ARRB1: variants seen among roughly 807,000 people sequenced by gnomAD.
The protein encoded by ARRB1 is beta-arrestin-1.
In ARRB1, 21 loss-of-function variants were observed where a neutral mutation model predicts 56.8. That is an observed-to-expected ratio of 0.37 (90% CI 0.26 to 0.53). ARRB1 has a LOEUF of 0.53. Among genes scored for constraint, ARRB1 ranks in the 20% least tolerant of loss-of-function variants. The probability of loss-of-function intolerance (pLI) is 0.88; values close to 1 mark genes in which losing one functional copy is unlikely to be tolerated. For missense variants in ARRB1, 424 were observed against 553.7 expected, an observed-to-expected ratio of 0.77 and a Z score of 2.35; for synonymous variants, 210 against 218.6, an observed-to-expected ratio of 0.96 and a Z score of 0.35.
rs563938157 is a variant in ARRB1, at chr11:75,325,007, G to A, written c.20+26581C>T. Among the ~76,000 whole-genome samples, 5 of 152,246 alleles carry A rather than the reference G, an allele frequency of 3.3e-5. No individual in the cohort carries two copies. The South Asian group carries it at 1.0e-3, about 32-fold the overall frequency. ...GAGACTCAGGCAGGGCTGGGCGGGAGGGCCTTGGGGTAGAGACCTGAAGAA... is the reference window on the plus strand; with the variant it reads ...GAGACTCAGGCAGGGCTGGGCGGGAAGGCCTTGGGGTAGAGACCTGAAGAA... On this transcript the variant is annotated intron_variant, in intron 1 of 15. Transcript: ENST00000420843.
intron 1 of ARRB1, among the ~76,000 whole-genome samples, chr11:75,301,997 C>T (rs947819516): frequency 1.3e-5 from 2 of 152,154 alleles, no homozygotes; most frequent in African/African-American, 4.8e-5. Flanking sequence ...AATCAAAGCC[C>T]GAGTGAGAGA....
intron 1 of ARRB1, among the ~76,000 whole-genome samples, chr11:75,327,592 TG>T (rs890777107): frequency 1.1e-5 from 1 of 91,034 alleles, no homozygotes; most frequent in African/African-American, 5.8e-5. Flanking sequence ...TTTTGTTTTT[TG>T]TTTTTGTTTT....
chr11:75,326,200 G>C (rs2140501253), intron 1 of ARRB1, among the ~76,000 whole-genome samples: 1 of 152,314 alleles, frequency 6.6e-6, no homozygotes, highest in South Asian at 2.1e-4. Flanking sequence ...GCTGGGAGGA[G>C]GAGGGTGCTG....
chr11:75,268,510 C>CAAAAAAAA (rs61409833), intron 14 of ARRB1, among the ~76,000 whole-genome samples: 103 of 61,308 alleles, frequency 1.7e-3, no homozygotes, highest in Non-Finnish European at 2.3e-3. Context: ...GTCTCAAAAC[C>CAAAAAAAA]AAAAAAAAAA....
chr11:75,276,804 C>T, intron 10 of ARRB1, 35 bp downstream of exon 10: 2 of 1,608,840 alleles, frequency 1.2e-6, no homozygotes, highest in Middle Eastern at 1.7e-4. Flanking sequence ...CCCACCCAAT[C>T]CCATACGCCC....
At position 75,263,170 on chromosome 11, in the gene ARRB1, C is replaced by T. The variant is rs571591993; in HGVS notation, c.*2993G>A. Among the ~76,000 whole-genome samples, 13 of 152,330 alleles carry T rather than the reference C, an allele frequency of 8.5e-5. No homozygotes were observed. Among genetic ancestry groups the T allele is most frequent in the African/African-American group, 2.9e-4 (12 of 41,578 alleles). On this transcript the variant is annotated 3_prime_UTR_variant, in exon 16 of 16. Transcript: ENST00000420843. Reference sequence around the variant, plus strand: ...TGCCTGGGGCCTAGTGAGGCTCCCCCACCCCTAGTTTCACTTCAAGGTATC... The same window carrying T: ...TGCCTGGGGCCTAGTGAGGCTCCCCTACCCCTAGTTTCACTTCAAGGTATC...
intron 1 of ARRB1, among the ~76,000 whole-genome samples, chr11:75,351,320 G>A (rs911798330): frequency 6.6e-6 from 1 of 152,194 alleles, no homozygotes; most frequent in Non-Finnish European, 1.5e-5. Context: ...GCGTCTCTGC[G>A]GCTGCCGGCC....
chr11:75,274,058 G>T lies in ARRB1; in HGVS notation c.914+16C>A. On this transcript the variant is annotated intron_variant, in intron 11 of 15. Coordinates refer to ENST00000420843, the MANE Select transcript of ARRB1 (RefSeq NM_004041.5). ...AGATGCACTAGGAGCCCAGGGCTAGGAGGGCAGGTCCTCACAGGGTGCTAG... is the reference window on the plus strand; with the variant it reads ...AGATGCACTAGGAGCCCAGGGCTAGTAGGGCAGGTCCTCACAGGGTGCTAG... The T allele has an allele frequency of 1.2e-6, 2 of 1,614,144 alleles. No homozygotes were observed. The highest frequency in any genetic ancestry group is 8.5e-7 in the Non-Finnish European group (1 of 1,180,000).
rs116633202 is a variant in ARRB1, at chr11:75,342,337, C to T, written c.20+9251G>A. 6.9e-3 allele frequency among the ~76,000 whole-genome samples: 1,049 copies of T among 152,284 alleles called. 8 individuals are homozygous for T. The highest frequency in any genetic ancestry group is 0.024 in the African/African-American group (983 of 41,550). On this transcript the variant is annotated intron_variant, in intron 1 of 15. Transcript: ENST00000420843. ...CCTCACCACCTCACCCCCCTTCCCT[C>T]TGCTCTGGGCCAAGGAGCAATGCTT...
In ARRB1 at chr11:75,265,069, T is replaced by G. The variant is rs1478148864; in HGVS notation, c.*1094A>C. 6.6e-6 allele frequency: 1 copy of G among 152,214 alleles called. No homozygotes were observed. Among genetic ancestry groups the G allele is most frequent in the African/African-American group, 2.4e-5 (1 of 41,436 alleles). 9.4% of individuals were successfully genotyped at this position (152,214 alleles called of 1,614,324 possible). A position where few individuals can be genotyped will look rare whatever the true frequency, so the allele number is the denominator to read the frequency against. On this transcript the variant is annotated 3_prime_UTR_variant, in exon 16 of 16. Transcript: ENST00000420843. Reference sequence around the variant, plus strand: ...GATATCTCAGTGGATGCTGCCACCTTCTGAGATAGGACCCCCTTTGACTGT... The same window carrying G: ...GATATCTCAGTGGATGCTGCCACCTGCTGAGATAGGACCCCCTTTGACTGT...
At chr11:75,280,598 C>G (rs1438584137) in intron 7 of ARRB1, among the ~76,000 whole-genome samples, 2 of 152,206 alleles carry the variant, frequency 1.3e-5, no homozygotes, top group Non-Finnish European at 2.9e-5. Context: ...GTGGGCCGAC[C>G]TCCCTGTCAC....
At chr11:75,283,769 A>ACAGGCTTGG (rs1468445270) in intron 4 of ARRB1, among the ~76,000 whole-genome samples, 1 of 151,910 alleles carries the variant, frequency 6.6e-6, no homozygotes, top group Non-Finnish European at 1.5e-5. Flanking sequence ...AAACGGTCTG[A>ACAGGCTTGG]CAGGCTTGGC....
chr11:75,343,526 T>C (rs1342705989), intron 1 of ARRB1, among the ~76,000 whole-genome samples: 1 of 152,108 alleles, frequency 6.6e-6, no homozygotes, highest in Non-Finnish European at 1.5e-5. Context: ...TTTCTTTGCT[T>C]TATCTTACTT....
At position 75,261,001 on chromosome 11, in the gene ARRB1, G is replaced by A. The variant is rs1349868146; in HGVS notation, c.*5162C>T. 1 of 152,420 alleles carries A rather than the reference G, an allele frequency of 6.6e-6. No homozygotes were observed. The highest frequency in any genetic ancestry group is 1.5e-5 in the Non-Finnish European group (1 of 68,234). 9.4% of individuals were successfully genotyped at this position (152,420 alleles called of 1,614,324 possible). ...GCCAGGAAAGTGGGGTGCCAGATAG[G>A]GGTGCAGACACAAGTCCTCAGTGGG... On this transcript the variant is annotated 3_prime_UTR_variant, in exon 16 of 16. Transcript: ENST00000420843.
At chr11:75,296,185 C>CAAA (rs11428462) in intron 1 of ARRB1, among the ~76,000 whole-genome samples, 18,761 of 83,564 alleles carry the variant, frequency 0.22, 2,062 homozygotes, top group East Asian at 0.35. Context: ...GACTTTGTCT[C>CAAA]AAAAAAAAAA....
chr11:75,351,081 T>G (rs913815261), intron 1 of ARRB1, among the ~76,000 whole-genome samples: 1 of 152,184 alleles, frequency 6.6e-6, no homozygotes, highest in Non-Finnish European at 1.5e-5. Flanking sequence ...TATCAGTGTA[T>G]GCCCACACGT....
intron 7 of ARRB1, 51 bp from the exon 8 acceptor site, chr11:75,278,795 C>A: frequency 6.4e-7 from 1 of 1,559,130 alleles, no homozygotes. Flanking sequence ...TGCCTTCATC[C>A]CCTCTCCTTG....
In ARRB1 at chr11:75,262,732, A is replaced by G. The variant is rs1220126671; in HGVS notation, c.*3431T>C. ...CCCCAGAGGTTGAGTAGCTTGCCCAAGCCCCCCAGGTGGTTGGTGACAGGC... is the reference window on the plus strand; with the variant it reads ...CCCCAGAGGTTGAGTAGCTTGCCCAGGCCCCCCAGGTGGTTGGTGACAGGC... On this transcript the variant is annotated 3_prime_UTR_variant, in exon 16 of 16. Transcript: ENST00000420843. Among the ~76,000 whole-genome samples the G allele has an allele frequency of 6.6e-6, 1 of 152,218 alleles. No individual in the cohort carries two copies. Among genetic ancestry groups the G allele is most frequent in the Non-Finnish European group, 1.5e-5 (1 of 68,034 alleles).
chr11:75,346,488 C>T (rs1332905434), intron 1 of ARRB1, among the ~76,000 whole-genome samples: 1 of 152,140 alleles, frequency 6.6e-6, no homozygotes, highest in African/African-American at 2.4e-5. Flanking sequence ...GCCTCACGCC[C>T]TTCCTCCAAG....
Sources: gnomAD v4.1 joint callset for allele counts (sites outside exome capture counted in the v4.1 genomes callset) on GRCh38, gnomAD v4.1.1 for gene constraint, MANE v1.5 for transcripts, NCBI Gene and HGNC (gene_info 2026-07-23, HGNC 2026-07-21) for gene names.